Variants in FBXL20 observed in about 807,000 individuals in gnomAD.
FBXL20 encodes F-box/LRR-repeat protein 20.
FBXL20 carries 11 observed loss-of-function variants against 64.0 expected under a neutral mutation model. That is an observed-to-expected ratio of 0.17 (90% CI 0.11 to 0.28). FBXL20 has a LOEUF of 0.28. FBXL20 is among the 10% of genes least tolerant of loss of function. The probability of loss-of-function intolerance (pLI) is 1.00; values close to 1 mark genes in which losing one functional copy is unlikely to be tolerated. For synonymous variants in FBXL20, 184 were observed against 189.0 expected (o/e 0.97, Z 0.22); for missense variants, 303 against 526.2 (o/e 0.58, Z 4.15).
rs993783357 is a variant in FBXL20, at chr17:39,381,845, C to T, written c.42+19516G>A. ...GGCACAGTGGCTCATGCCTGTAATC[C>T]CAGCACTTCGGGAAGCCGAGGGGGG... On this transcript the variant is annotated intron_variant, in intron 1 of 14. Transcript: ENST00000264658. 2.0e-5 allele frequency among the ~76,000 whole-genome samples: 3 copies of T among 151,444 alleles called. No homozygotes were observed. The East Asian group carries it at 5.8e-4, about 29-fold the overall frequency.
At chr17:39,368,879 T>G (rs746777923) in intron 1 of FBXL20, among the ~76,000 whole-genome samples, 1 of 152,026 alleles carries the variant, frequency 6.6e-6, no homozygotes, top group Non-Finnish European at 1.5e-5. Context: ...ATGGTCTCGA[T>G]CTCCTCACCT....
chr17:39,380,110 T>C (rs532023337), intron 1 of FBXL20, among the ~76,000 whole-genome samples: 6 of 152,208 alleles, frequency 3.9e-5, no homozygotes, highest in Non-Finnish European at 8.8e-5. Flanking sequence ...TTCTCATTTA[T>C]TGCAAGAGCT....
chr17:39,389,696 T>C (rs1394489584), intron 1 of FBXL20, among the ~76,000 whole-genome samples: 5 of 152,144 alleles, frequency 3.3e-5, no homozygotes, highest in Non-Finnish European at 7.3e-5. Context: ...CAGGTGCCTG[T>C]AGTCCCAACT....
chr17:39,350,322 T>C (rs755773065), intron 1 of FBXL20, among the ~76,000 whole-genome samples: 43 of 152,012 alleles, frequency 2.8e-4, no homozygotes, highest in Non-Finnish European at 1.3e-4. Context: ...AAACCCCATC[T>C]CTACTAAAAA....
At chr17:39,333,664 G>A (rs376347274) in intron 2 of FBXL20, among the ~76,000 whole-genome samples, 69 of 151,392 alleles carry the variant, frequency 4.6e-4, no homozygotes, top group South Asian at 2.3e-3. Flanking sequence ...AGTGTGGAGC[G>A]CCTCTTCCCG....
intron 10 of FBXL20, among the ~76,000 whole-genome samples, chr17:39,272,191 C>T (rs1351407347): frequency 6.6e-6 from 1 of 151,960 alleles, no homozygotes; most frequent in Admixed American, 6.6e-5. Context: ...TCGAGACCAG[C>T]CTGGCCAACA....
chr17:39,291,436 T>C lies in FBXL20; in HGVS notation c.398+5691A>G, dbSNP rs868806782. Among the ~76,000 whole-genome samples, 19 of 143,558 alleles carry C rather than the reference T, an allele frequency of 1.3e-4. No individual in the cohort carries two copies. In the Middle Eastern group the frequency reaches 0.011, roughly 80 times the overall value. 94.2% of individuals were successfully genotyped at this position (143,558 alleles called of 152,430 possible). On this transcript the variant is annotated intron_variant, in intron 6 of 14. Coordinates refer to ENST00000264658, the MANE Select transcript of FBXL20 (RefSeq NM_032875.3). Reference sequence around the variant, plus strand: ...TTCTTGATTTTAAAACTTTTCTTTTTTTTTTTTTTTTTTTTGAGATGGAGT... The same window carrying C: ...TTCTTGATTTTAAAACTTTTCTTTTCTTTTTTTTTTTTTTTGAGATGGAGT...
Position 39,401,614 on chromosome 17 carries a change from C to T in FBXL20, c.-212G>A. The T allele has an allele frequency of 7.1e-7, 1 of 1,402,052 alleles. No homozygotes were observed. Among genetic ancestry groups the T allele is most frequent in the Non-Finnish European group, 9.2e-7 (1 of 1,086,998 alleles). 86.9% of individuals were successfully genotyped at this position (1,402,052 alleles called of 1,614,324 possible). A position where few individuals can be genotyped will look rare whatever the true frequency, so the allele number is the denominator to read the frequency against. Reference sequence around the variant, plus strand: ...GGCCGCAACGACTGCTCGTCGCTAGCTCGGCTCTCTCCTCAGCCTCAACTT... The same window carrying T: ...GGCCGCAACGACTGCTCGTCGCTAGTTCGGCTCTCTCCTCAGCCTCAACTT... On this transcript the variant is annotated 5_prime_UTR_variant, in exon 1 of 15. Coordinates refer to ENST00000264658, the MANE Select transcript of FBXL20 (RefSeq NM_032875.3).
rs117584364 is a variant in FBXL20 at position 39,254,711 on chromosome 17, G to A, written c.*6749C>T. ...TCACTATGTATTCAAGACAGATGCT[G>A]TACCTGAGGCAAAGTACCCCAATTC... On this transcript the variant is annotated 3_prime_UTR_variant, in exon 15 of 15. Coordinates refer to ENST00000264658, the MANE Select transcript of FBXL20 (RefSeq NM_032875.3). 2 of 154,574 alleles carry A rather than the reference G, an allele frequency of 1.3e-5. No individual in the cohort carries two copies. The highest frequency in any genetic ancestry group is 3.8e-4 in the East Asian group (2 of 5,320). The allele number at this position is 154,574 out of a possible 1,614,324, so 9.6% of individuals were successfully genotyped here.
intron 9 of FBXL20, 34 bp downstream of exon 9, chr17:39,281,355 C>T: frequency 6.3e-7 from 1 of 1,592,358 alleles, no homozygotes; most frequent in Non-Finnish European, 8.6e-7. Flanking sequence ...AAATGAATTA[C>T]TAAAACAGAA....
intron 2 of FBXL20, among the ~76,000 whole-genome samples, chr17:39,312,835 C>CA (rs1489174349): frequency 6.6e-6 from 1 of 151,024 alleles, no homozygotes; most frequent in Non-Finnish European, 1.5e-5. Flanking sequence ...CTCAGCCTCC[C>CA]AAAGTGCTGG....
intron 1 of FBXL20, among the ~76,000 whole-genome samples, chr17:39,387,567 C>G (rs942296315): frequency 2.0e-5 from 3 of 150,622 alleles, no homozygotes; most frequent in Non-Finnish European, 1.5e-5. Flanking sequence ...GCGTGTGCCA[C>G]AGCGCCCAAT....
chr17:39,336,139 G>A (rs2047519902), intron 2 of FBXL20, among the ~76,000 whole-genome samples: 1 of 151,956 alleles, frequency 6.6e-6, no homozygotes, highest in African/African-American at 2.4e-5. Context: ...GGGAAGGGAG[G>A]GGGACTAGAA....
intron 2 of FBXL20, among the ~76,000 whole-genome samples, chr17:39,318,404 T>G (rs2047317619): frequency 6.6e-6 from 1 of 152,180 alleles, no homozygotes; most frequent in African/African-American, 2.4e-5. Context: ...AAAAGTGTTC[T>G]GTGCCACTAA....
intron 1 of FBXL20, among the ~76,000 whole-genome samples, chr17:39,352,220 G>A (rs918209223): frequency 2.0e-5 from 3 of 152,074 alleles, no homozygotes; most frequent in Admixed American, 6.6e-5. Flanking sequence ...GAAAAGGGCC[G>A]AAAGGTTGAA....
At chr17:39,310,317 T>C (rs1446419488) in intron 2 of FBXL20, among the ~76,000 whole-genome samples, 1 of 152,020 alleles carries the variant, frequency 6.6e-6, no homozygotes, top group East Asian at 1.9e-4. Flanking sequence ...CGTTTCATAC[T>C]AACTTCCCCT....
At chr17:39,266,533 G>A (rs182074377) in intron 12 of FBXL20, among the ~76,000 whole-genome samples, 137 of 152,248 alleles carry the variant, frequency 9.0e-4, no homozygotes, top group African/African-American at 3.1e-3. Flanking sequence ...TTTTAGTGGA[G>A]ATGGGGGTTT....
At position 39,256,214 on chromosome 17, in the gene FBXL20, G is replaced by A. The variant is rs968411128; in HGVS notation, c.*5246C>T. On this transcript the variant is annotated 3_prime_UTR_variant, in exon 15 of 15. Coordinates refer to ENST00000264658, the MANE Select transcript of FBXL20 (RefSeq NM_032875.3). ...TGGGCACCTGTAATCCTGGCCTCTT[G>A]GGAGGCTGAAACAGAAGAATCACTT... 6.6e-6 allele frequency: 1 copy of A among 151,542 alleles called. No individual in the cohort carries two copies. The highest frequency in any genetic ancestry group is 1.5e-5 in the Non-Finnish European group (1 of 67,982). 9.4% of individuals were successfully genotyped at this position (151,542 alleles called of 1,614,324 possible).
intron 1 of FBXL20, among the ~76,000 whole-genome samples, chr17:39,386,174 G>A (rs996699278): frequency 1.3e-4 from 19 of 151,444 alleles, no homozygotes; most frequent in African/African-American, 4.4e-4. Flanking sequence ...AAACCCGGTG[G>A]TACGTGCCTG....
Sources: gnomAD v4.1 joint callset for allele counts (sites outside exome capture counted in the v4.1 genomes callset) on GRCh38, gnomAD v4.1.1 for gene constraint, MANE v1.5 for transcripts, NCBI Gene and HGNC (gene_info 2026-07-23, HGNC 2026-07-21) for gene names.